Variants in FOCAD observed in about 807,000 individuals in gnomAD.
FOCAD encodes KIAA1797.
A neutral mutation model predicts 225.6 loss-of-function variants in FOCAD; 198 were observed. The ratio of observed to expected loss-of-function variants is 0.88; its 90% CI spans 0.78 to 0.99. The LOEUF (loss-of-function observed/expected upper bound fraction) is 0.99, where lower values mean the gene tolerates loss of function less well. Ranked by LOEUF, FOCAD falls within the 50% of genes least tolerant of loss-of-function variation. The pLI, the probability that FOCAD is intolerant of heterozygous loss-of-function variation, is 0.00. For synonymous variants in FOCAD, 897 were observed against 755.0 expected (o/e 1.19, Z -3.08); for missense variants, 2,713 against 2,123.6 (o/e 1.28, Z -5.46).
rs140769219 is a variant in FOCAD, at chr9:20,927,701, A to C, written c.3078+1284A>C. On this transcript the variant is annotated intron_variant, in intron 26 of 43. Transcript: ENST00000338382. Reference sequence around the variant, plus strand: ...AGTATTTTGGTCCTACCCTATTACTATCCATTGCCTAGGGAATTATAATGG... The same window carrying C: ...AGTATTTTGGTCCTACCCTATTACTCTCCATTGCCTAGGGAATTATAATGG... The C allele has an allele frequency of 2.0e-5, 3 of 152,170 alleles. No homozygotes were observed. The East Asian group carries it at 5.8e-4, about 29-fold the overall frequency. The allele number at this position is 152,170 out of a possible 1,614,324, so 9.4% of individuals were successfully genotyped here.
At chr9:20,722,756 G>GT (rs1279684792) in intron 4 of FOCAD, among the ~76,000 whole-genome samples, 1 of 151,932 alleles carries the variant, frequency 6.6e-6, no homozygotes, top group Non-Finnish European at 1.5e-5. Flanking sequence ...TGTGTCTCTT[G>GT]TTTTCTCATT....
intron 1 of FOCAD, among the ~76,000 whole-genome samples, chr9:20,688,709 A>T (rs535139497): frequency 6.6e-5 from 10 of 152,354 alleles, no homozygotes; most frequent in Non-Finnish European, 1.0e-4. Flanking sequence ...GACAGAAGGA[A>T]CAGCCTAATG....
In FOCAD at chr9:20,764,531, A is replaced by G. The variant is rs554132654; in HGVS notation, c.495-338A>G. Among the ~76,000 whole-genome samples the G allele has an allele frequency of 2.0e-5, 3 of 152,322 alleles. No individual in the cohort carries two copies. The South Asian group carries it at 6.2e-4, about 32-fold the overall frequency. Reference sequence around the variant, plus strand: ...CCTCCCAAAGTGCTGGGATTTTTATAGGCGTGAGCCTCCGTGCCCAGCCCA... The same window carrying G: ...CCTCCCAAAGTGCTGGGATTTTTATGGGCGTGAGCCTCCGTGCCCAGCCCA... On this transcript the variant is annotated intron_variant, in intron 6 of 43. Coordinates refer to ENST00000338382, the MANE Select transcript of FOCAD (RefSeq NM_001375567.1).
intron 27 of FOCAD, among the ~76,000 whole-genome samples, chr9:20,931,074 TCA>T (rs1047658668): frequency 6.6e-6 from 1 of 152,196 alleles, no homozygotes; most frequent in African/African-American, 2.4e-5. Context: ...ACTCCTTTCT[TCA>T]CTAACTTAGG....
intron 29 of FOCAD, among the ~76,000 whole-genome samples, chr9:20,945,890 A>G (rs1235589185): frequency 6.6e-6 from 1 of 152,058 alleles, no homozygotes; most frequent in Non-Finnish European, 1.5e-5. Flanking sequence ...CAGCATTCTT[A>G]TAAGGGAGGT....
intron 1 of FOCAD, among the ~76,000 whole-genome samples, chr9:20,689,107 C>T (rs978776120): frequency 4.6e-5 from 7 of 152,052 alleles, no homozygotes; most frequent in Admixed American, 1.3e-4. Context: ...GATTAAAAGT[C>T]TGGATGAAGT....
At chr9:20,848,656 C>G (rs1034685581) in intron 15 of FOCAD, among the ~76,000 whole-genome samples, 6 of 152,010 alleles carry the variant, frequency 3.9e-5, no homozygotes, top group Non-Finnish European at 7.4e-5. Context: ...TTAAAAATCA[C>G]TATAAACCAC....
chr9:20,682,377 A>G (rs1822425423), upstream of FOCAD, among the ~76,000 whole-genome samples: 1 of 152,226 alleles, frequency 6.6e-6, no homozygotes, highest in Admixed American at 6.5e-5. Flanking sequence ...ATTGAGCACC[A>G]GGGTGCTTGG....
intron 4 of FOCAD, among the ~76,000 whole-genome samples, chr9:20,721,987 C>CCCTCCCTCCCTCCCTTCCTT (rs1825821668): frequency 1.3e-5 from 1 of 79,800 alleles, no homozygotes; most frequent in African/African-American, 5.3e-5. Flanking sequence ...CTCCTTCCCT[C>CCCTCCCTCCCTCCCTTCCTT]CCTCCCTCCC....
At chr9:20,657,857 C>A (rs1239403976), upstream of FOCAD, among the ~76,000 whole-genome samples, 1 of 119,154 alleles carries the variant, frequency 8.4e-6, no homozygotes. Context: ...AGGCGCTCTG[C>A]TTTTTAGAGT....
intron 8 of FOCAD, among the ~76,000 whole-genome samples, chr9:20,771,052 A>G (rs1048162832): frequency 1.3e-5 from 2 of 152,226 alleles, no homozygotes; most frequent in African/African-American, 2.4e-5. Context: ...AACAAGTTTC[A>G]GGAGGTAGGG....
At chr9:20,801,300 T>C (rs1040637135) in intron 11 of FOCAD, among the ~76,000 whole-genome samples, 1 of 152,124 alleles carries the variant, frequency 6.6e-6, no homozygotes, top group Non-Finnish European at 1.5e-5. Context: ...TTACAAGCAA[T>C]GCCGTTGAAA....
intron 18 of FOCAD, 71 bp from the exon 19 acceptor site, chr9:20,874,610 A>AGG: frequency 6.6e-7 from 1 of 1,521,012 alleles, no homozygotes; most frequent in Non-Finnish European, 8.9e-7. Flanking sequence ...GTCACAAAAA[A>AGG]GGATACAGAA....
intron 2 of FOCAD, among the ~76,000 whole-genome samples, chr9:20,660,586 A>G (rs938732719): frequency 2.6e-5 from 4 of 152,234 alleles, no homozygotes; most frequent in African/African-American, 9.6e-5. Flanking sequence ...AGAGATCAGC[A>G]GAAAAAGAAG....
intron 35 of FOCAD, 37 bp from the exon 36 acceptor site, chr9:20,976,383 C>A: frequency 6.3e-7 from 1 of 1,596,918 alleles, no homozygotes; most frequent in Non-Finnish European, 8.6e-7. Context: ...TGATAGTATG[C>A]AGGTGTTTTA....
intron 15 of FOCAD, among the ~76,000 whole-genome samples, chr9:20,851,286 C>T (rs940888380): frequency 4.6e-5 from 7 of 150,690 alleles, no homozygotes; most frequent in African/African-American, 1.5e-4. Flanking sequence ...TTCCATCTAG[C>T]GTCTTTATCT....
In FOCAD at chr9:20,878,389, A is replaced by C. The variant is rs554168459; in HGVS notation, c.2318-3482A>C. ...GTTGTGGTCTAGAAATTTGGTGAGT[A>C]TATATTCTCCATCTGAAAGTCTAGT... On this transcript the variant is annotated intron_variant, in intron 19 of 43. Coordinates refer to ENST00000338382, the MANE Select transcript of FOCAD (RefSeq NM_001375567.1). Among the ~76,000 whole-genome samples, 10 of 152,272 alleles carry C rather than the reference A, an allele frequency of 6.6e-5. No individual in the cohort carries two copies. The East Asian group carries it at 1.5e-3, about 23-fold the overall frequency.
chr9:20,756,426 A>C (rs570339597), intron 5 of FOCAD, among the ~76,000 whole-genome samples: 2 of 152,216 alleles, frequency 1.3e-5, no homozygotes, highest in East Asian at 3.9e-4. Flanking sequence ...AAAATAGTAC[A>C]TTTCCCACCC....
chr9:20,958,424 T>C (rs923776771), intron 35 of FOCAD, among the ~76,000 whole-genome samples: 1 of 152,086 alleles, frequency 6.6e-6, no homozygotes, highest in Non-Finnish European at 1.5e-5. Context: ...AATTGATGAA[T>C]AATTATACAT....
Sources: gnomAD v4.1 joint callset for allele counts (sites outside exome capture counted in the v4.1 genomes callset) on GRCh38, gnomAD v4.1.1 for gene constraint, MANE v1.5 for transcripts, NCBI Gene and HGNC (gene_info 2026-07-23, HGNC 2026-07-21) for gene names.